Variants in MYO1D observed in about 807,000 individuals in gnomAD.
MYO1D encodes unconventional myosin-Id.
MYO1D carries 83 observed loss-of-function variants against 122.0 expected under a neutral mutation model. The ratio of observed to expected loss-of-function variants is 0.68; its 90% CI spans 0.57 to 0.82. The LOEUF is 0.82. Among genes scored for constraint, MYO1D ranks in the 40% least tolerant of loss-of-function variants. The pLI is 0.00. For synonymous variants in MYO1D, 464 were observed against 446.9 expected (o/e 1.04, Z -0.48); for missense variants, 1,157 against 1,269.5 (o/e 0.91, Z 1.35).
At chr17:32,761,077 A>G (rs1457981987) in intron 8 of MYO1D, among the ~76,000 whole-genome samples, 7 of 152,226 alleles carry the variant, frequency 4.6e-5, no homozygotes, top group Admixed American at 4.6e-4. Flanking sequence ...GATCTGAGCC[A>G]AAGATCAAGG....
chr17:32,729,949 T>C (rs2089617781), intron 14 of MYO1D, among the ~76,000 whole-genome samples: 1 of 152,210 alleles, frequency 6.6e-6, no homozygotes, highest in Non-Finnish European at 1.5e-5. Context: ...ATAAATAGCA[T>C]ATATCTGGAT....
Position 32,523,037 on chromosome 17 carries a change from G to C in MYO1D, c.2865-28122C>G, listed in dbSNP as rs186302736. 1.7e-4 allele frequency among the ~76,000 whole-genome samples: 26 copies of C among 152,232 alleles called. No homozygotes were observed. In the East Asian group the frequency reaches 2.7e-3, roughly 16 times the overall value. On this transcript the variant is annotated intron_variant, in intron 21 of 21. Coordinates refer to ENST00000318217, the MANE Select transcript of MYO1D (RefSeq NM_015194.3). ...TCACCATGTTAGCCAGGATGGTCTC[G>C]ATCTCCTGACCTTGTGATCTGCCCA... is the stretch of plus-strand genomic sequence containing the variant.
chr17:32,508,004 C>A (rs538426596), intron 21 of MYO1D, among the ~76,000 whole-genome samples: 271 of 148,946 alleles, frequency 1.8e-3, no homozygotes, highest in Admixed American at 4.1e-3. Flanking sequence ...TCAAGTGATT[C>A]TCCTGCCTCA....
intron 20 of MYO1D, among the ~76,000 whole-genome samples, chr17:32,627,207 G>A (rs17182935): frequency 0.17 from 25,266 of 152,088 alleles, 2,275 homozygotes; most frequent in Middle Eastern, 0.24. Context: ...GACATTAAGG[G>A]ATTATATACT....
chr17:32,669,613 A>T (rs1277096810), intron 16 of MYO1D, among the ~76,000 whole-genome samples: 2 of 152,216 alleles, frequency 1.3e-5, no homozygotes, highest in Non-Finnish European at 2.9e-5. Context: ...TGCAGGCCCC[A>T]GGCACTGAAT....
At chr17:32,841,221 C>A (rs1281865125) in intron 1 of MYO1D, among the ~76,000 whole-genome samples, 2 of 152,084 alleles carry the variant, frequency 1.3e-5, no homozygotes, top group Non-Finnish European at 1.5e-5. Context: ...AATTCCAGAG[C>A]TTTGGGAGAC....
chr17:32,610,884 G>A (rs2087692200), intron 20 of MYO1D, among the ~76,000 whole-genome samples: 1 of 152,124 alleles, frequency 6.6e-6, no homozygotes, highest in African/African-American at 2.4e-5. Context: ...CCGAACAAAA[G>A]GGAAACTCCT....
chr17:32,601,380 G>A (rs2087560939), intron 21 of MYO1D, among the ~76,000 whole-genome samples: 1 of 152,164 alleles, frequency 6.6e-6, no homozygotes, highest in African/African-American at 2.4e-5. Flanking sequence ...GAGGAAGAGA[G>A]ATGAGGGAAT....
chr17:32,715,977 A>G (rs1175165111), intron 15 of MYO1D, among the ~76,000 whole-genome samples: 1 of 151,510 alleles, frequency 6.6e-6, no homozygotes, highest in African/African-American at 2.4e-5. Context: ...GCCACCTTCT[A>G]GTTTACAACA....
At chr17:32,579,242 A>T (rs1027673239) in intron 21 of MYO1D, among the ~76,000 whole-genome samples, 7 of 151,764 alleles carry the variant, frequency 4.6e-5, no homozygotes, top group African/African-American at 1.7e-4. Context: ...TAATTTTTAA[A>T]TTTTTTTGTA....
Position 32,812,627 on chromosome 17 carries a change from A to C in MYO1D, c.96-31843T>G, listed in dbSNP as rs536557333. Among the ~76,000 whole-genome samples the C allele has an allele frequency of 3.9e-5, 6 of 152,312 alleles. No individual in the cohort carries two copies. The East Asian group carries it at 1.2e-3, about 29-fold the overall frequency. On this transcript the variant is annotated intron_variant, in intron 1 of 21. Transcript: ENST00000318217. ...GAACTGGAGAGACAAGTAGAGTACC[A>C]GGTCAAGGGAAGGAGTACTGACCTT...
chr17:32,771,182 T>C lies in MYO1D; in HGVS notation c.657A>G (p.Leu219=), dbSNP rs541276068. The C allele has an allele frequency of 8.1e-6, 13 of 1,612,008 alleles. No individual in the cohort carries two copies. In the South Asian group the frequency reaches 1.3e-4, roughly 16 times the overall value. The change falls in exon 6 of 22, where the codon CTA becomes CTG. Residue 219 remains leucine, a synonymous_variant. Transcript: ENST00000318217. The part of the protein sequence containing the change: ...QGGSEQMLRS[L]HLQKSLSSYN... ...AGGATGAAAGGGATTTCTGGAGATG[T>C]AGAGAGCGTAGCATTTGTTCTGAAC...
rs1400119078 is a variant in MYO1D at position 32,541,241 on chromosome 17, T to A, written c.2865-46326A>T. 2.0e-5 allele frequency among the ~76,000 whole-genome samples: 3 copies of A among 152,340 alleles called. 1 individual carries two copies. Among genetic ancestry groups the A allele is most frequent in the Non-Finnish European group, 4.4e-5 (3 of 68,030 alleles). ...GTGGTCTATCTATACAGTGGAATAT[T>A]ATTTGGCAATAAAAGGGAATGAAGT... is the stretch of plus-strand genomic sequence containing the variant. On this transcript the variant is annotated intron_variant, in intron 21 of 21. Coordinates refer to ENST00000318217, the MANE Select transcript of MYO1D (RefSeq NM_015194.3).
At chr17:32,522,528 C>A (rs1910181674) in intron 21 of MYO1D, among the ~76,000 whole-genome samples, 1 of 152,148 alleles carries the variant, frequency 6.6e-6, no homozygotes, top group Admixed American at 6.5e-5. Context: ...GCACTGTTTC[C>A]TAAATAGACA....
chr17:32,855,482 T>C (rs2091020657), intron 1 of MYO1D, among the ~76,000 whole-genome samples: 1 of 152,266 alleles, frequency 6.6e-6, no homozygotes, highest in Non-Finnish European at 1.5e-5. Context: ...GTGAGATTAA[T>C]TCATGCTGAT....
At chr17:32,580,063 G>A (rs1024735254) in intron 21 of MYO1D, among the ~76,000 whole-genome samples, 2 of 152,054 alleles carry the variant, frequency 1.3e-5, no homozygotes, top group African/African-American at 4.8e-5. Flanking sequence ...CTGCCAAACT[G>A]TTCCCACCAT....
Position 32,632,572 on chromosome 17 carries a change from TATATATATATATATACACACAC to T in MYO1D, c.2709+6128_2709+6149del, listed in dbSNP as rs753508393. The T allele has an allele frequency of 5.4e-4, 64 of 118,468 alleles. 1 individual carries two copies. The highest frequency in any genetic ancestry group is 1.2e-3 in the African/African-American group (37 of 30,158). The allele number at this position is 118,468 out of a possible 1,614,324, so 7.3% of individuals were successfully genotyped here. A position where few individuals can be genotyped will look rare whatever the true frequency, so the allele number is the denominator to read the frequency against. On this transcript the variant is annotated intron_variant, in intron 20 of 21. Coordinates refer to ENST00000318217, the MANE Select transcript of MYO1D (RefSeq NM_015194.3). ...CATGCAAACTTAAGTACTATATATA[TATATATATATATATACACACAC>T]ACACACACACACACACACACACACA...
At chr17:32,812,732 C>T (rs949680377) in intron 1 of MYO1D, among the ~76,000 whole-genome samples, 7 of 152,162 alleles carry the variant, frequency 4.6e-5, no homozygotes, top group African/African-American at 1.4e-4. Flanking sequence ...ACCAACTTCA[C>T]CTGCTGCACA....
intron 21 of MYO1D, among the ~76,000 whole-genome samples, chr17:32,602,196 T>C (rs1403864882): frequency 6.6e-6 from 1 of 152,218 alleles, no homozygotes; most frequent in South Asian, 2.1e-4. Flanking sequence ...GAAATCTAGT[T>C]ATAATGACTT....
Sources: allele counts gnomAD v4.1 joint callset (sites outside exome capture counted in the v4.1 genomes callset), GRCh38; gene constraint gnomAD v4.1.1; transcripts MANE v1.5; gene names NCBI Gene and HGNC (gene_info 2026-07-23, HGNC 2026-07-21).